Variants in CNTNAP2 observed in about 807,000 individuals in gnomAD.
The protein encoded by CNTNAP2 is contactin-associated protein-like 2.
CNTNAP2 carries 98 observed loss-of-function variants against 155.2 expected under a neutral mutation model. That is an observed-to-expected ratio of 0.63 (90% CI 0.54 to 0.75). The LOEUF (loss-of-function observed/expected upper bound fraction) is 0.75. CNTNAP2 is among the 30% of genes least tolerant of loss of function. CNTNAP2 has a pLI of 0.00. For missense variants in CNTNAP2, 1,727 were observed against 1,688.1 expected (o/e 1.02, Z -0.40); for synonymous variants, 651 against 631.2 (o/e 1.03, Z -0.47).
chr7:146,735,248 G>C (rs1472745845), intron 1 of CNTNAP2, among the ~76,000 whole-genome samples: 1 of 152,090 alleles, frequency 6.6e-6, no homozygotes, highest in Non-Finnish European at 1.5e-5. Flanking sequence ...TTTTACATTA[G>C]AGCTTTTAAA....
intron 14 of CNTNAP2, among the ~76,000 whole-genome samples, chr7:147,965,094 G>A (rs1280521366): frequency 6.6e-6 from 1 of 152,136 alleles, no homozygotes; most frequent in African/African-American, 2.4e-5. Flanking sequence ...AAGCCCAGGT[G>A]CTCCTTGTTC....
chr7:147,201,831 A>G (rs2116550499), intron 8 of CNTNAP2, among the ~76,000 whole-genome samples: 2 of 152,308 alleles, frequency 1.3e-5, no homozygotes. Flanking sequence ...TTTTATTTTT[A>G]GAGATAGAGG....
chr7:148,398,838 C>T (rs6946279), intron 22 of CNTNAP2, among the ~76,000 whole-genome samples: 39,396 of 152,056 alleles, frequency 0.26, 5,700 homozygotes, highest in Non-Finnish European at 0.33. Flanking sequence ...ATGAATTGTG[C>T]GAATCCCTGA....
chr7:148,415,354 G>T, intron 23 of CNTNAP2, 63 bp from the exon 24 acceptor site: 2 of 1,547,972 alleles, frequency 1.3e-6, no homozygotes, highest in Non-Finnish European at 8.8e-7. Context: ...AGTGAAGTGG[G>T]GACAGTGTTG....
intron 15 of CNTNAP2, among the ~76,000 whole-genome samples, chr7:148,085,911 G>A (rs1052287260): frequency 1.3e-5 from 2 of 152,116 alleles, no homozygotes; most frequent in Non-Finnish European, 2.9e-5. Flanking sequence ...ATGATACTAT[G>A]ACACAGACAA....
At chr7:147,802,329 C>T (rs985147743) in intron 13 of CNTNAP2, among the ~76,000 whole-genome samples, 147 of 142,090 alleles carry the variant, frequency 1.0e-3, no homozygotes, top group Middle Eastern at 4.2e-3. Flanking sequence ...ACATCCCAGA[C>T]GATGGGCGGC....
chr7:147,608,360 C>T (rs1195188193), intron 12 of CNTNAP2, among the ~76,000 whole-genome samples: 1 of 146,942 alleles, frequency 6.8e-6, no homozygotes, highest in East Asian at 2.0e-4. Flanking sequence ...TCAAATATTA[C>T]TTTTATTGTT....
At chr7:148,369,190 T>C (rs1798841699) in intron 21 of CNTNAP2, among the ~76,000 whole-genome samples, 4 of 69,422 alleles carry the variant, frequency 5.8e-5, no homozygotes, top group Non-Finnish European at 1.1e-4. Context: ...CCTTTTTTTT[T>C]TTTTTTTTTT....
chr7:146,508,321 G>C (rs752910897), intron 1 of CNTNAP2, among the ~76,000 whole-genome samples: 1 of 152,146 alleles, frequency 6.6e-6, no homozygotes, highest in Non-Finnish European at 1.5e-5. Flanking sequence ...TTCTCTGACC[G>C]TGGCTTGTAA....
chr7:146,341,914 A>C (rs1428211641), intron 1 of CNTNAP2, among the ~76,000 whole-genome samples: 2 of 152,202 alleles, frequency 1.3e-5, no homozygotes, highest in Non-Finnish European at 2.9e-5. Flanking sequence ...AAATAGTTTA[A>C]AATTTTTAAG....
intron 1 of CNTNAP2, among the ~76,000 whole-genome samples, chr7:146,768,328 G>A (rs558068616): frequency 3.3e-5 from 5 of 151,550 alleles, no homozygotes; most frequent in African/African-American, 4.8e-5. Flanking sequence ...GTCTTCCCCC[G>A]ATGTCCATTT....
chr7:148,270,069 A>G (rs553150801), intron 21 of CNTNAP2, among the ~76,000 whole-genome samples: 4 of 152,222 alleles, frequency 2.6e-5, no homozygotes, highest in Admixed American at 2.6e-4. Context: ...TTCTGTCACT[A>G]TGAGTAATAT....
intron 9 of CNTNAP2, among the ~76,000 whole-genome samples, chr7:147,324,773 G>A (rs377229059): frequency 4.8e-5 from 2 of 41,556 alleles, no homozygotes; most frequent in Admixed American, 2.7e-4. Context: ...CAATGAGCTG[G>A]GGGGGCATTT....
At chr7:147,073,014 G>A (rs1404877497) in intron 4 of CNTNAP2, among the ~76,000 whole-genome samples, 11 of 151,094 alleles carry the variant, frequency 7.3e-5, no homozygotes, top group African/African-American at 1.9e-4. Context: ...CACCACGCCC[G>A]GCTAATTTTT....
At chr7:147,008,505 C>T (rs1000975104) in intron 3 of CNTNAP2, among the ~76,000 whole-genome samples, 5 of 151,856 alleles carry the variant, frequency 3.3e-5, no homozygotes, top group South Asian at 2.1e-4. Context: ...TTGGTTGGGT[C>T]CCTGCAAATT....
intron 20 of CNTNAP2, among the ~76,000 whole-genome samples, chr7:148,266,755 C>G (rs191604428): frequency 2.0e-5 from 3 of 152,312 alleles, no homozygotes; most frequent in Non-Finnish European, 2.9e-5. Flanking sequence ...GAACATGGAT[C>G]TTAATCCTGT....
chr7:147,491,776 CA>C (rs1351685456), intron 11 of CNTNAP2, among the ~76,000 whole-genome samples: 2 of 151,610 alleles, frequency 1.3e-5, no homozygotes, highest in African/African-American at 4.8e-5. Context: ...ACTTACAGGG[CA>C]AAAAGAAAAA....
intron 1 of CNTNAP2, among the ~76,000 whole-genome samples, chr7:146,253,415 C>A (rs539130479): frequency 1.3e-5 from 2 of 152,246 alleles, no homozygotes; most frequent in Non-Finnish European, 2.9e-5. Flanking sequence ...CCACACACTG[C>A]AGCGATCACA....
intron 10 of CNTNAP2, among the ~76,000 whole-genome samples, chr7:147,416,993 G>T (rs1290128168): frequency 2.6e-5 from 4 of 151,722 alleles, no homozygotes; most frequent in South Asian, 2.1e-4. Flanking sequence ...GGAGGCTGAG[G>T]CAGCAGAATT....
Sources: allele counts gnomAD v4.1 joint callset (sites outside exome capture counted in the v4.1 genomes callset), GRCh38; gene constraint gnomAD v4.1.1; transcripts MANE v1.5; gene names NCBI Gene and HGNC (gene_info 2026-07-23, HGNC 2026-07-21).